The following RBPJL variants were observed in gnomAD, a reference collection of about 807,000 sequenced individuals.
RBPJL encodes recombining binding protein suppressor of hairless-like protein.
In RBPJL, 50 loss-of-function variants were observed where a neutral mutation model predicts 57.6. That is an observed-to-expected ratio of 0.87 (90% confidence interval 0.69 to 1.10). The LOEUF (loss-of-function observed/expected upper bound fraction) is 1.10, where lower values mean the gene tolerates loss of function less well. Ranked by LOEUF, RBPJL falls within the 50% of genes least tolerant of loss-of-function variation. RBPJL has a pLI of 0.00. For missense variants in RBPJL, 684 were observed against 693.7 expected, an observed-to-expected ratio of 0.99 and a Z score of 0.16; for synonymous variants, 303 against 294.4, an observed-to-expected ratio of 1.03 and a Z score of -0.30.
At position 45,308,249 on chromosome 20, in the gene RBPJL, C is replaced by G. The variant is rs765057336; in HGVS notation, c.129C>G (p.Thr43=). 2 of 1,607,092 alleles carry G rather than the reference C, an allele frequency of 1.2e-6. No homozygotes were observed. The highest frequency in any genetic ancestry group is 2.7e-5 in the African/African-American group (2 of 74,786). The change falls in exon 2 of 12, where the codon ACC becomes ACG. Residue 43 remains threonine, a splice_region_variant and synonymous_variant. Transcript: ENST00000343694. ...ADRRSLPGTW[T]RSSPEHTTIL... ...GGCGGAGCCTCCCGGGCACTTGGAC[C>G]AGGTAACGGCGGCGTGGCAGCGTGC...
At position 45,316,718 on chromosome 20, in the gene RBPJL, A is replaced by T; in HGVS notation, c.1313A>T (p.Asp438Val). ...SPRSLVCVVP[D>V]VAAFCSDWRW... is the part of the protein sequence containing the mutation. ...CGGTCCCTGGTGTGCGTGGTGCCGGACGTGGCGGCCTTCTGCAGCGACTGG... is the reference window on the plus strand; with the variant it reads ...CGGTCCCTGGTGTGCGTGGTGCCGGTCGTGGCGGCCTTCTGCAGCGACTGG... Residue 438 changes from aspartate (D) to valine (V), a missense_variant, in exon 12 of 12, where the codon GAC becomes GTC. Transcript: ENST00000343694. 4 of 1,611,556 alleles carry T rather than the reference A, an allele frequency of 2.5e-6. No individual in the cohort carries two copies. The highest frequency in any genetic ancestry group is 3.4e-6 in the Non-Finnish European group (4 of 1,178,734).
intron 9 of RBPJL, among the ~76,000 whole-genome samples, chr20:45,315,083 CA>C (rs578164737): frequency 6.6e-6 from 1 of 151,478 alleles, no homozygotes; most frequent in East Asian, 1.9e-4. Flanking sequence ...GACTCCATCT[CA>C]AAAAAAGTAA....
intron 3 of RBPJL, among the ~76,000 whole-genome samples, chr20:45,309,928 T>C (rs1160028966): frequency 6.6e-6 from 1 of 152,184 alleles, no homozygotes; most frequent in African/African-American, 2.4e-5. Context: ...ATTCTCCCAT[T>C]GATTCACTTA....
chr20:45,314,349 G>A, intron 8 of RBPJL, 64 bp from the exon 9 acceptor site: 1 of 1,563,914 alleles, frequency 6.4e-7, no homozygotes, highest in Non-Finnish European at 8.8e-7. Flanking sequence ...CAGCCGGCTA[G>A]GAGGGCAGCC....
chr20:45,315,628 C>T (rs1250005775), intron 9 of RBPJL, among the ~76,000 whole-genome samples: 1 of 151,612 alleles, frequency 6.6e-6, no homozygotes, highest in Non-Finnish European at 1.5e-5. Flanking sequence ...GTAATCCCAG[C>T]TACCCGGGCG....
At position 45,316,284 on chromosome 20, in the gene RBPJL, C is replaced by A; in HGVS notation, c.1118C>A (p.Thr373Asn). The change falls in exon 10 of 12, where the codon ACC (threonine) becomes AAC (asparagine). Residue 373 changes from threonine (T) to asparagine (N), a missense_variant. Transcript: ENST00000343694. The part of the protein sequence containing the change: ...GTESVEFSFS[T>N]SLACTLEPVT... ...GAGTCGGTGGAATTTTCCTTCAGCA[C>A]CAGCCTGGCGTGTACCCTGGAGCCG... The A allele has an allele frequency of 4.3e-6, 7 of 1,614,256 alleles. No homozygotes were observed. The highest frequency in any genetic ancestry group is 5.9e-6 in the Non-Finnish European group (7 of 1,180,036).
chr20:45,315,067 G>C (rs1403517443), intron 9 of RBPJL, among the ~76,000 whole-genome samples: 1 of 152,012 alleles, frequency 6.6e-6, no homozygotes, highest in African/African-American at 2.4e-5. Flanking sequence ...TGGGTGACAA[G>C]AGCAAGACTC....
At position 45,316,289 on chromosome 20, in the gene RBPJL, C is replaced by G. The variant is rs746310258; in HGVS notation, c.1123C>G (p.Leu375Val). 4.3e-6 allele frequency: 7 copies of G among 1,614,116 alleles called. No homozygotes were observed. The African/African-American group carries it at 9.3e-5, about 22-fold the overall frequency. The change falls in exon 10 of 12, where the codon CTG (leucine) becomes GTG (valine). Residue 375 changes from leucine (L) to valine (V), a missense_variant. Physicochemically the swap from Leu to Val is conservative, Grantham distance 32. Coordinates refer to ENST00000343694, the MANE Select transcript of RBPJL (RefSeq NM_014276.4). ...GGTGGAATTTTCCTTCAGCACCAGCCTGGCGTGTACCCTGGAGCCGGTCAC... is the reference window on the plus strand; with the variant it reads ...GGTGGAATTTTCCTTCAGCACCAGCGTGGCGTGTACCCTGGAGCCGGTCAC... ...ESVEFSFSTS[L>V]ACTLEPVTPV...
At chr20:45,310,795 TA>T (rs1262226509) in intron 3 of RBPJL, among the ~76,000 whole-genome samples, 3 of 151,936 alleles carry the variant, frequency 2.0e-5, no homozygotes, top group African/African-American at 7.2e-5. Flanking sequence ...TTTAAGGAGT[TA>T]ACATGATTTG....
chr20:45,307,909 G>A (rs555227725), intron 1 of RBPJL, among the ~76,000 whole-genome samples: 1 of 152,248 alleles, frequency 6.6e-6, no homozygotes, highest in South Asian at 2.1e-4. Context: ...AGCAAGGGAG[G>A]AGAGGCCTGT....
At position 45,316,465 on chromosome 20, in the gene RBPJL, A is replaced by C. The variant is rs1374705331; in HGVS notation, c.1177-12A>C. ...TGGTTCTCTCACCTCACCTGGTCCC[A>C]CCCTCCCCCAGCTGAGCGGCGGGGG... On this transcript the variant is annotated splice_polypyrimidine_tract_variant and intron_variant, in intron 10 of 11. Transcript: ENST00000343694. 4 of 1,550,842 alleles carry C rather than the reference A, an allele frequency of 2.6e-6. No homozygotes were observed. The African/African-American group carries it at 5.5e-5, about 21-fold the overall frequency.
intron 5 of RBPJL, 72 bp downstream of exon 5, chr20:45,312,026 A>C: frequency 1.4e-6 from 2 of 1,439,568 alleles, no homozygotes; most frequent in Non-Finnish European, 1.9e-6. Flanking sequence ...GGGCTCCTTT[A>C]CTCCCCTCCG....
At chr20:45,315,346 C>T (rs1011314816) in intron 9 of RBPJL, among the ~76,000 whole-genome samples, 2 of 151,770 alleles carry the variant, frequency 1.3e-5, no homozygotes, top group Non-Finnish European at 2.9e-5. Context: ...CAAGAATATT[C>T]CTTCCCAAAG....
Position 45,317,098 on chromosome 20 carries a change from G to A in RBPJL, c.*139G>A. 1 of 1,071,332 alleles carries A rather than the reference G, an allele frequency of 9.3e-7. No homozygotes were observed. Among genetic ancestry groups the A allele is most frequent in the South Asian group, 1.5e-5 (1 of 64,610 alleles). The allele number at this position is 1,071,332 out of a possible 1,614,324, so 66.4% of individuals were successfully genotyped here. ...GCTGAAGGCTCACCCTAGAAACCGGGCCTGGTGGGTCTTACCCGGCTCACT... is the reference window on the plus strand; with the variant it reads ...GCTGAAGGCTCACCCTAGAAACCGGACCTGGTGGGTCTTACCCGGCTCACT... On this transcript the variant is annotated 3_prime_UTR_variant, in exon 12 of 12. Coordinates refer to ENST00000343694, the MANE Select transcript of RBPJL (RefSeq NM_014276.4).
chr20:45,308,453 C>A lies in RBPJL; in HGVS notation c.131+202C>A, dbSNP rs113772246. On this transcript the variant is annotated intron_variant, in intron 2 of 11. Coordinates refer to ENST00000343694, the MANE Select transcript of RBPJL (RefSeq NM_014276.4). The stretch of plus-strand genomic sequence containing the variant: ...CCCCCTGCTCCTACCACGCTTGGAG[C>A]TGCAGACAGGGCTAGCTGCGGGCCA... The A allele has an allele frequency of 3.3e-5, 19 of 577,076 alleles. No individual in the cohort carries two copies. The African/African-American group carries it at 3.6e-4, about 11-fold the overall frequency. 35.7% of individuals were successfully genotyped at this position (577,076 alleles called of 1,614,324 possible).
chr20:45,316,158 C>A, intron 9 of RBPJL, 29 bp from the exon 10 acceptor site: 3 of 1,603,946 alleles, frequency 1.9e-6, no homozygotes, highest in Middle Eastern at 1.7e-4. Flanking sequence ...TGAGAAGCTT[C>A]GGCCTCGTCC....
At chr20:45,314,350 G>A in intron 8 of RBPJL, 63 bp from the exon 9 acceptor site, 2 of 1,565,690 alleles carry the variant, frequency 1.3e-6, no homozygotes, top group South Asian at 2.3e-5. Context: ...AGCCGGCTAG[G>A]AGGGCAGCCT....
In RBPJL at chr20:45,317,040, C is replaced by T; in HGVS notation, c.*81C>T. The T allele has an allele frequency of 1.3e-6, 2 of 1,492,356 alleles. No individual in the cohort carries two copies. The highest frequency in any genetic ancestry group is 1.8e-6 in the Non-Finnish European group (2 of 1,111,618). 92.4% of individuals were successfully genotyped at this position (1,492,356 alleles called of 1,614,324 possible). A position where few individuals can be genotyped will look rare whatever the true frequency, so the allele number is the denominator to read the frequency against. The stretch of plus-strand genomic sequence containing the variant: ...GGGGACGTGTTTCTGGGTTCTAGGC[C>T]CTGCTTCCTTGCCCCTTTGCTGCAG... On this transcript the variant is annotated 3_prime_UTR_variant, in exon 12 of 12. Transcript: ENST00000343694.
chr20:45,316,291 G>C lies in RBPJL; in HGVS notation c.1125G>C (p.Leu375=), dbSNP rs772445966. ...ESVEFSFSTS[L]ACTLEPVTPV... ...TGGAATTTTCCTTCAGCACCAGCCTGGCGTGTACCCTGGAGCCGGTCACTC... is the reference window on the plus strand; with the variant it reads ...TGGAATTTTCCTTCAGCACCAGCCTCGCGTGTACCCTGGAGCCGGTCACTC... The change falls in exon 10 of 12, where the codon CTG becomes CTC. Residue 375 remains leucine, a synonymous_variant. Coordinates refer to ENST00000343694, the MANE Select transcript of RBPJL (RefSeq NM_014276.4). 6.2e-7 allele frequency: 1 copy of C among 1,614,200 alleles called. No individual in the cohort carries two copies. Among genetic ancestry groups the C allele is most frequent in the Non-Finnish European group, 8.5e-7 (1 of 1,179,996 alleles).
Sources: gnomAD v4.1 joint callset for allele counts (sites outside exome capture counted in the v4.1 genomes callset) on GRCh38, gnomAD v4.1.1 for gene constraint, MANE v1.5 for transcripts, NCBI Gene and HGNC (gene_info 2026-07-23, HGNC 2026-07-21) for gene names.